The following CPNE5 variants were observed in gnomAD, a reference collection of about 807,000 sequenced individuals.
The protein encoded by CPNE5 is copine-5.
A neutral mutation model predicts 81.1 loss-of-function variants in CPNE5; 42 were observed. That is an observed-to-expected ratio of 0.52 (90% CI 0.40 to 0.67). CPNE5 has a LOEUF of 0.67. Ranked by LOEUF, CPNE5 falls within the 30% of genes least tolerant of loss-of-function variation. CPNE5 has a pLI of 0.00. For synonymous variants in CPNE5, 313 were observed against 321.5 expected (o/e 0.97, Z 0.28); for missense variants, 612 against 815.5 (o/e 0.75, Z 3.04).
At chr6:36,777,769 CA>C (rs1562126486) in intron 9 of CPNE5, among the ~76,000 whole-genome samples, 15 of 27,158 alleles carry the variant, frequency 5.5e-4, no homozygotes, top group South Asian at 2.0e-3. Context: ...CCCCCCACCA[CA>C]CACACACACA....
Position 36,745,151 on chromosome 6 carries a change from C to G in CPNE5, c.1329-1G>C. On this transcript the variant is annotated splice_acceptor_variant, in intron 17 of 20. Transcript: ENST00000244751. LOFTEE classifies it high-confidence loss of function. ...GCCATCCTGCACGGCCGCTGCATTC[C>G]TGGGTGGGGCAGGTGTGGGCTCAGG... is the stretch of plus-strand genomic sequence containing the variant. 6.2e-7 allele frequency: 1 copy of G among 1,612,090 alleles called. No individual in the cohort carries two copies. Among genetic ancestry groups the G allele is most frequent in the Non-Finnish European group, 8.5e-7 (1 of 1,178,460 alleles).
chr6:36,744,617 C>T (rs972979569), intron 18 of CPNE5: 16 of 510,094 alleles, frequency 3.1e-5, no homozygotes, highest in Admixed American at 2.3e-4. Flanking sequence ...AGACCACCGG[C>T]TTGGGGAGCC....
rs1014541065 is a variant in CPNE5, at chr6:36,839,318, G to C, written c.60C>G (p.Ile20Met). Residue 20 changes from isoleucine to methionine, a missense_variant, in exon 1 of 21, where the codon ATC becomes ATG. Transcript: ENST00000244751. The surrounding 1 kb of genome is among the most constrained non-coding windows in gnomAD (Gnocchi z 7.3). The part of the protein sequence containing the change: ...LSEFDSLAGS[I>M]PATKVEITVS... ...CGGTGATCTCCACCTTGGTGGCCGG[G>C]ATGCTGCCCGCCAAGGAGTCGAACT... 1 of 1,551,056 alleles carries C rather than the reference G, an allele frequency of 6.4e-7. No homozygotes were observed. The highest frequency in any genetic ancestry group is 1.4e-5 in the African/African-American group (1 of 72,976).
At chr6:36,798,618 C>A in intron 4 of CPNE5, 124 bp from the exon 5 acceptor site, 1 of 788,556 alleles carries the variant, frequency 1.3e-6, no homozygotes. Flanking sequence ...GTGAATATTT[C>A]TAGGAGTAAT....
intron 11 of CPNE5, 134 bp downstream of exon 11, chr6:36,765,201 C>T (rs577462571): frequency 9.4e-6 from 8 of 847,292 alleles, no homozygotes; most frequent in East Asian, 2.7e-5. Flanking sequence ...TCCACACACA[C>T]GCAAACCCAG....
chr6:36,767,434 C>A (rs1766657442), intron 10 of CPNE5, among the ~76,000 whole-genome samples: 1 of 152,222 alleles, frequency 6.6e-6, no homozygotes, highest in Non-Finnish European at 1.5e-5. Flanking sequence ...TAGAGTCACC[C>A]AGCTGAGGGT....
chr6:36,829,022 A>G (rs1473688141), intron 1 of CPNE5, among the ~76,000 whole-genome samples: 1 of 152,170 alleles, frequency 6.6e-6, no homozygotes, highest in Non-Finnish European at 1.5e-5. Flanking sequence ...ATAAGTGCTC[A>G]ACAAAGGCCT....
chr6:36,763,888 GT>G (rs1766299651), intron 11 of CPNE5, among the ~76,000 whole-genome samples: 1 of 152,198 alleles, frequency 6.6e-6, no homozygotes, highest in Admixed American at 6.5e-5. Flanking sequence ...GGCTGCAAGT[GT>G]TTTCTGCAGT....
At chr6:36,773,657 A>G (rs990315832) in intron 10 of CPNE5, among the ~76,000 whole-genome samples, 1 of 152,166 alleles carries the variant, frequency 6.6e-6, no homozygotes, top group Non-Finnish European at 1.5e-5. Flanking sequence ...AGTCCTGTAG[A>G]GTAGGCAGAC....
chr6:36,753,243 A>C, intron 13 of CPNE5, 148 bp from the exon 14 acceptor site: 1 of 610,688 alleles, frequency 1.6e-6, no homozygotes, highest in Non-Finnish European at 3.0e-6. Flanking sequence ...CCCATGAAGT[A>C]CTATTATTAT....
chr6:36,742,458 CG>C lies in CPNE5; in HGVS notation c.1591del (p.Arg531AlafsTer7). On this transcript the variant is annotated frameshift_variant, in exon 21 of 21. Transcript: ENST00000244751. LOFTEE classifies it high-confidence loss of function. Reference sequence around the variant, plus strand: ...CATGCTCAGCACGTGGTTGCCTGTGCGGTCCACGTAGTCCCGGAAGGGTACA... The same window carrying C: ...CATGCTCAGCACGTGGTTGCCTGTGCGTCCACGTAGTCCCGGAAGGGTACA... ...QFVPFRDYVDRTGNHVLSMAR... is the reference protein window; with the variant it reads ...QFVPFRDYVDXTGNHVLSMAR... 2 of 1,612,832 alleles carry C rather than the reference CG, an allele frequency of 1.2e-6. No individual in the cohort carries two copies. Among genetic ancestry groups the C allele is most frequent in the Non-Finnish European group, 1.7e-6 (2 of 1,179,908 alleles).
At chr6:36,812,251 A>G (rs1771172525) in intron 3 of CPNE5, among the ~76,000 whole-genome samples, 1 of 152,142 alleles carries the variant, frequency 6.6e-6, no homozygotes, top group African/African-American at 2.4e-5. Flanking sequence ...GATCCCTCTG[A>G]GCTCTGCTTC....
At chr6:36,792,318 C>A in intron 7 of CPNE5, 1 of 1,524,596 alleles carries the variant, frequency 6.6e-7, no homozygotes. Flanking sequence ...CTGCCCCACC[C>A]CCTGCTCCCC....
intron 12 of CPNE5, among the ~76,000 whole-genome samples, chr6:36,760,217 T>TGA (rs1554196932): frequency 7.2e-6 from 1 of 138,468 alleles, no homozygotes; most frequent in Non-Finnish European, 1.5e-5. Flanking sequence ...GACTCCATCT[T>TGA]AAAAAAAAAA....
upstream of CPNE5, chr6:36,839,574 G>A: frequency 2.1e-6 from 1 of 484,670 alleles, no homozygotes; most frequent in African/African-American, 2.0e-5. The surrounding 1 kb of genome is among the most constrained non-coding windows in gnomAD (Gnocchi z 7.3). Flanking sequence ...GCGGATCGAG[G>A]AGGGGGCTCG....
At position 36,745,077 on chromosome 6, in the gene CPNE5, T is replaced by C. The variant is rs1330483033; in HGVS notation, c.1402A>G (p.Met468Val). 1 of 1,614,082 alleles carries C rather than the reference T, an allele frequency of 6.2e-7. No individual in the cohort carries two copies. Residue 468 changes from methionine (M) to valine (V), a missense_variant, in exon 18 of 21, where the codon ATG (methionine) becomes GTG (valine). By Grantham distance (21) the Met-to-Val change is conservative. Transcript: ENST00000244751. ...LIITDGVISD[M>V]AQTKEAIVNA... ...ACAATGGCCTCCTTGGTCTGCGCCA[T>C]GTCCGAGATGACCCCATCAGTAATG...
intron 15 of CPNE5, among the ~76,000 whole-genome samples, chr6:36,747,698 T>G (rs12055620): frequency 0.076 from 11,527 of 152,268 alleles, 580 homozygotes; most frequent in East Asian, 0.19. Flanking sequence ...TTTCTAATCA[T>G]GTAAAGTTGG....
intron 20 of CPNE5, 142 bp from the exon 21 acceptor site, chr6:36,742,628 A>T: frequency 7.0e-7 from 1 of 1,428,966 alleles, no homozygotes; most frequent in Non-Finnish European, 9.1e-7. Context: ...GAATTACCTG[A>T]GGGACTGTAT....
chr6:36,792,302 C>A (rs1769172835), intron 7 of CPNE5: 1 of 1,509,630 alleles, frequency 6.6e-7, no homozygotes, highest in Non-Finnish European at 8.9e-7. Context: ...GTCCCCGAGC[C>A]TGGAGCTGCC....
Sources: allele counts gnomAD v4.1 joint callset (sites outside exome capture counted in the v4.1 genomes callset), GRCh38; gene constraint gnomAD v4.1.1; non-coding constraint Gnocchi (gnomAD v3.1); transcripts MANE v1.5; gene names NCBI Gene and HGNC (gene_info 2026-07-23, HGNC 2026-07-21).